Variants in DOCK4 observed in about 807,000 individuals in gnomAD.
The protein encoded by DOCK4 is dedicator of cytokinesis 4, also known as dedicator of cytokinesis protein 4.
In DOCK4, 97 loss-of-function variants were observed where a neutral mutation model predicts 268.1. That is an observed-to-expected ratio of 0.36 (90% CI 0.31 to 0.43). The LOEUF (loss-of-function observed/expected upper bound fraction) is 0.43. Ranked by LOEUF, DOCK4 falls within the 20% of genes least tolerant of loss-of-function variation. The probability of loss-of-function intolerance (pLI) is 1.00; values close to 1 mark genes in which losing one functional copy is unlikely to be tolerated. For missense variants in DOCK4, 2,145 were observed against 2,455.7 expected (o/e 0.87, Z 2.67); for synonymous variants, 954 against 887.2 (o/e 1.08, Z -1.34).
intron 1 of DOCK4, among the ~76,000 whole-genome samples, chr7:112,037,953 A>G (rs1461177370): frequency 6.6e-6 from 1 of 152,216 alleles, no homozygotes. Flanking sequence ...TAATAACATT[A>G]TGGCTCCAAC....
chr7:111,869,930 G>A (rs1215585026), intron 20 of DOCK4, among the ~76,000 whole-genome samples: 1 of 152,144 alleles, frequency 6.6e-6, no homozygotes, highest in Non-Finnish European at 1.5e-5. Flanking sequence ...ACAAATATTG[G>A]AGAAAAGGAC....
At chr7:112,107,095 T>A (rs938265812) in intron 1 of DOCK4, among the ~76,000 whole-genome samples, 1 of 152,226 alleles carries the variant, frequency 6.6e-6, no homozygotes. Flanking sequence ...TGTATGGGCA[T>A]TATATTAAGA....
chr7:112,041,680 G>A lies in DOCK4; in HGVS notation c.38-37549C>T, dbSNP rs115593153. Among the ~76,000 whole-genome samples, 718 of 152,168 alleles carry A rather than the reference G, an allele frequency of 4.7e-3. 8 individuals carry two copies. The highest frequency in any genetic ancestry group is 0.016 in the African/African-American group (645 of 41,504). On this transcript the variant is annotated intron_variant, in intron 1 of 52. Transcript: ENST00000428084. ...ATTGAAAAAGACTTTTTAGTAAGTG[G>A]TTCCTGTTCTGTTATTAACTTACAT... is the stretch of plus-strand genomic sequence containing the variant.
chr7:112,146,593 G>T (rs1815518189), intron 1 of DOCK4, among the ~76,000 whole-genome samples: 1 of 152,136 alleles, frequency 6.6e-6, no homozygotes, highest in Non-Finnish European at 1.5e-5. Context: ...TTAGCTGGGT[G>T]TGGTGGCGTG....
Position 111,984,401 on chromosome 7 carries a change from A to G in DOCK4, c.465-11T>C. ...TCCAGTCCCAGTTGTCTAGAAAACA[A>G]ATTGCAAAAGTTTGGGGGAAAAGTT... On this transcript the variant is annotated splice_polypyrimidine_tract_variant and intron_variant, in intron 6 of 52. Coordinates refer to ENST00000428084, the MANE Select transcript of DOCK4 (RefSeq NM_001363540.2). 3 of 1,608,612 alleles carry G rather than the reference A, an allele frequency of 1.9e-6. No individual in the cohort carries two copies. The highest frequency in any genetic ancestry group is 2.5e-6 in the Non-Finnish European group (3 of 1,177,756).
intron 1 of DOCK4, among the ~76,000 whole-genome samples, chr7:112,078,543 G>A (rs1808288018): frequency 6.6e-6 from 1 of 152,174 alleles, no homozygotes; most frequent in South Asian, 2.1e-4. Flanking sequence ...GGATCACTGT[G>A]GAATATCAAA....
At chr7:111,988,942 G>T in intron 6 of DOCK4, 73 bp downstream of exon 6, 1 of 1,527,274 alleles carries the variant, frequency 6.5e-7, no homozygotes, top group South Asian at 1.2e-5. Flanking sequence ...ACATTACCAC[G>T]TTCTGGCTCA....
chr7:111,781,057 G>A (rs1206846333), intron 35 of DOCK4, among the ~76,000 whole-genome samples: 1 of 152,144 alleles, frequency 6.6e-6, no homozygotes, highest in Non-Finnish European at 1.5e-5. Flanking sequence ...TAAAGGCAGA[G>A]TATTAATTCT....
At chr7:111,952,780 C>T (rs1394578543) in intron 8 of DOCK4, among the ~76,000 whole-genome samples, 2 of 152,040 alleles carry the variant, frequency 1.3e-5, no homozygotes, top group Non-Finnish European at 2.9e-5. Context: ...AGAACAATAA[C>T]AACAGAGAAC....
At chr7:111,770,341 G>A (rs1254742893) in intron 36 of DOCK4, among the ~76,000 whole-genome samples, 1 of 152,038 alleles carries the variant, frequency 6.6e-6, no homozygotes, top group Non-Finnish European at 1.5e-5. Context: ...ATTTGTGTGT[G>A]TGAGAGAGAA....
At chr7:111,942,771 G>A (rs567857745) in intron 10 of DOCK4, among the ~76,000 whole-genome samples, 103 of 152,176 alleles carry the variant, frequency 6.8e-4, no homozygotes, top group South Asian at 2.5e-3. Flanking sequence ...TAGACTGTGC[G>A]TCCAACCCTA....
chr7:112,081,765 G>A (rs1378246929), intron 1 of DOCK4, among the ~76,000 whole-genome samples: 1 of 152,116 alleles, frequency 6.6e-6, no homozygotes, highest in Non-Finnish European at 1.5e-5. Flanking sequence ...CTGTTCTCTT[G>A]AAGGGGTCAA....
intron 31 of DOCK4, 48 bp from the exon 32 acceptor site, chr7:111,788,795 G>T: frequency 6.8e-7 from 1 of 1,460,178 alleles, no homozygotes; most frequent in South Asian, 1.2e-5. Context: ...TCACAAGTAG[G>T]ATTTCTAGGC....
chr7:111,929,484 C>T lies in DOCK4; in HGVS notation c.1066+6056G>A, dbSNP rs554500941. On this transcript the variant is annotated intron_variant, in intron 12 of 52. Coordinates refer to ENST00000428084, the MANE Select transcript of DOCK4 (RefSeq NM_001363540.2). ...AACCAATAGGTGGTGCCAATAAGTA[C>T]TACTTTTATTTCAATGATACTAGAA... Among the ~76,000 whole-genome samples, 353 of 152,184 alleles carry T rather than the reference C, an allele frequency of 2.3e-3. 3 individuals carry two copies. The highest frequency in any genetic ancestry group is 3.8e-3 in the Non-Finnish European group (259 of 68,010).
At chr7:112,127,321 A>G (rs1207406501) in intron 1 of DOCK4, among the ~76,000 whole-genome samples, 1 of 149,930 alleles carries the variant, frequency 6.7e-6, no homozygotes, top group Non-Finnish European at 1.5e-5. Flanking sequence ...CAAAAAACCA[A>G]ACACCGCATG....
intron 36 of DOCK4, among the ~76,000 whole-genome samples, chr7:111,769,956 T>A (rs879286753): frequency 7.2e-5 from 11 of 152,114 alleles, no homozygotes; most frequent in Non-Finnish European, 1.5e-4. Context: ...AATGTCTGTA[T>A]GCTACAGTAT....
chr7:111,991,107 G>T (rs1799487583), intron 5 of DOCK4, among the ~76,000 whole-genome samples: 1 of 152,190 alleles, frequency 6.6e-6, no homozygotes, highest in African/African-American at 2.4e-5. Context: ...TCTTGGGAAA[G>T]GCGTTCTGTA....
chr7:111,875,255 C>A (rs1200894821), intron 17 of DOCK4, among the ~76,000 whole-genome samples: 1 of 152,174 alleles, frequency 6.6e-6, no homozygotes, highest in Non-Finnish European at 1.5e-5. Context: ...ATAATTATTT[C>A]ATAAGTTGTT....
intron 12 of DOCK4, among the ~76,000 whole-genome samples, chr7:111,933,158 ACATATATACG>A (rs1794359005): frequency 1.4e-5 from 2 of 142,846 alleles, no homozygotes. Flanking sequence ...ACGTATATAC[ACATATATACG>A]TATATACACA....
Sources: gnomAD v4.1 joint callset for allele counts (sites outside exome capture counted in the v4.1 genomes callset) on GRCh38, gnomAD v4.1.1 for gene constraint, MANE v1.5 for transcripts, NCBI Gene and HGNC (gene_info 2026-07-23, HGNC 2026-07-21) for gene names.